FGF1: variants seen among roughly 807,000 people sequenced by gnomAD.
The protein encoded by FGF1 is beta-endothelial cell growth factor.
A neutral mutation model predicts 13.4 loss-of-function variants in FGF1; 9 were observed. The observed-to-expected ratio is 0.67, with a 90% confidence interval of 0.40 to 1.17. The LOEUF is 1.17. Among genes scored for constraint, FGF1 ranks in the 50% most tolerant of loss-of-function variants. The probability of loss-of-function intolerance (pLI) is 0.01; values close to 1 mark genes in which losing one functional copy is unlikely to be tolerated. For synonymous variants in FGF1, 93 were observed against 79.0 expected (o/e 1.18, Z -0.94); for missense variants, 156 against 192.7 (o/e 0.81, Z 1.13).
intron 2 of FGF1, among the ~76,000 whole-genome samples, chr5:142,694,376 A>G (rs1282467886): frequency 2.0e-5 from 3 of 152,200 alleles, no homozygotes; most frequent in South Asian, 2.1e-4. Flanking sequence ...AGATAAAGAA[A>G]ATGACGTAAA....
intron 1 of FGF1, among the ~76,000 whole-genome samples, chr5:142,620,593 A>T (rs1761380801): frequency 6.6e-6 from 1 of 152,228 alleles, no homozygotes; most frequent in African/African-American, 2.4e-5. Context: ...AAAATACATA[A>T]AACAAAAATT....
At chr5:142,629,893 ATAT>A (rs1323984990) in intron 1 of FGF1, among the ~76,000 whole-genome samples, 18 of 120,062 alleles carry the variant, frequency 1.5e-4, no homozygotes, top group Admixed American at 8.4e-4. Flanking sequence ...ATATATATAT[ATAT>A]TTTTTTTTTT....
intron 2 of FGF1, among the ~76,000 whole-genome samples, chr5:142,607,245 G>C (rs904096651): frequency 2.6e-5 from 4 of 152,116 alleles, no homozygotes; most frequent in East Asian, 1.9e-4. Context: ...GGTGGATGAG[G>C]CACCTCTAAA....
At chr5:142,668,901 A>C (rs1437888109) in intron 1 of FGF1, among the ~76,000 whole-genome samples, 3 of 152,160 alleles carry the variant, frequency 2.0e-5, no homozygotes, top group African/African-American at 4.8e-5. Flanking sequence ...GGATGGATGG[A>C]GGGCTGAAGA....
Position 142,592,443 on chromosome 5 carries a change from A to AT in FGF1, c.*2846dup. ...TTGGCCATTGTGAATCTTTCTTATCATGCCTTCCAAGGAAACCAATACCTA... is the reference window on the plus strand; with the variant it reads ...TTGGCCATTGTGAATCTTTCTTATCATTGCCTTCCAAGGAAACCAATACCTA... On this transcript the variant is annotated 3_prime_UTR_variant, in exon 4 of 4. Transcript: ENST00000337706. 1 of 398,550 alleles carries AT rather than the reference A, an allele frequency of 2.5e-6. No individual in the cohort carries two copies. Among genetic ancestry groups the AT allele is most frequent in the Non-Finnish European group, 4.4e-6 (1 of 226,022 alleles). 24.7% of individuals were successfully genotyped at this position (398,550 alleles called of 1,614,324 possible). A position where few individuals can be genotyped will look rare whatever the true frequency, so the allele number is the denominator to read the frequency against.
In FGF1 at chr5:142,650,673, T is replaced by C. The variant is rs111289317; in HGVS notation, c.-35+35284A>G. 1.5e-4 allele frequency among the ~76,000 whole-genome samples: 23 copies of C among 151,564 alleles called. 1 individual carries two copies. Among genetic ancestry groups the C allele is most frequent in the African/African-American group, 5.1e-4 (21 of 41,040 alleles). On this transcript the variant is annotated intron_variant, in intron 1 of 3. Transcript: ENST00000337706. ...CACTTTATATGTGTGTGTGTGTATA[T>C]ATACACACACACACACACTATGTAT...
At chr5:142,600,549 TA>T (rs1756295535) in intron 3 of FGF1, among the ~76,000 whole-genome samples, 152 bp downstream of exon 3, 1 of 152,168 alleles carries the variant, frequency 6.6e-6, no homozygotes, top group African/African-American at 2.4e-5. Context: ...TGTTTGTGCC[TA>T]AAATAAAGCA....
At chr5:142,644,238 T>A (rs1765652122) in intron 1 of FGF1, 1 of 152,268 alleles carries the variant, frequency 6.6e-6, no homozygotes, top group Non-Finnish European at 1.5e-5. Context: ...CCTCACTGAG[T>A]TGGTGCTCTC....
At chr5:142,697,177 G>T (rs1753265227) in intron 2 of FGF1, among the ~76,000 whole-genome samples, 1 of 152,168 alleles carries the variant, frequency 6.6e-6, no homozygotes, top group Non-Finnish European at 1.5e-5. Context: ...GGAAAAAGAG[G>T]CTCTGCATGT....
At chr5:142,654,116 G>A (rs948076402) in intron 1 of FGF1, among the ~76,000 whole-genome samples, 1 of 152,164 alleles carries the variant, frequency 6.6e-6, no homozygotes, top group African/African-American at 2.4e-5. Context: ...CACCTTGTAT[G>A]TAATTCTAAC....
At position 142,644,848 on chromosome 5, in the gene FGF1, C is replaced by T. The variant is rs945148915; in HGVS notation, c.-34-30687G>A. Among the ~76,000 whole-genome samples the T allele has an allele frequency of 4.6e-5, 7 of 152,276 alleles. No individual in the cohort carries two copies. The East Asian group carries it at 1.2e-3, about 25-fold the overall frequency. ...CCTCAGCAAATGCCAAATGAATGAA[C>T]AAGCAACAAAACCTTAGCACACATG... On this transcript the variant is annotated intron_variant, in intron 1 of 3. Coordinates refer to ENST00000337706, the MANE Select transcript of FGF1 (RefSeq NM_000800.5).
chr5:142,643,779 A>C (rs865796488), intron 1 of FGF1, among the ~76,000 whole-genome samples: 1 of 152,192 alleles, frequency 6.6e-6, no homozygotes, highest in Non-Finnish European at 1.5e-5. Context: ...ACAGATCTAC[A>C]TTTGCATACC....
At chr5:142,611,272 C>A (rs1758982387) in intron 2 of FGF1, among the ~76,000 whole-genome samples, 2 of 152,168 alleles carry the variant, frequency 1.3e-5, no homozygotes, top group Non-Finnish European at 2.9e-5. Flanking sequence ...GAACCACATT[C>A]AGGGAGTACA....
At chr5:142,652,588 T>C (rs1448902647) in intron 1 of FGF1, among the ~76,000 whole-genome samples, 1 of 152,212 alleles carries the variant, frequency 6.6e-6, no homozygotes, top group African/African-American at 2.4e-5. Context: ...ATGGTGTTCT[T>C]TGCAGTCCCC....
rs1317025868 is a variant in FGF1, at chr5:142,594,362, G to T, written c.*928C>A. On this transcript the variant is annotated 3_prime_UTR_variant, in exon 4 of 4. Transcript: ENST00000337706. The stretch of plus-strand genomic sequence containing the variant: ...GCACTTCAGTGTTGGAGAAGCACTG[G>T]GCTAGGACCCCAAAGCCTCTGCTTA... 1.2e-4 allele frequency: 19 copies of T among 152,192 alleles called. No homozygotes were observed. Among genetic ancestry groups the T allele is most frequent in the Admixed American group, 1.2e-3 (19 of 15,278 alleles). The allele number at this position is 152,192 out of a possible 1,614,324, so 9.4% of individuals were successfully genotyped here.
chr5:142,670,276 T>G (rs1771203391), intron 1 of FGF1, among the ~76,000 whole-genome samples: 1 of 152,216 alleles, frequency 6.6e-6, no homozygotes, highest in Non-Finnish European at 1.5e-5. Context: ...CAATCTGAGC[T>G]GCTCCCTCTC....
At chr5:142,692,566 C>T (rs1216493813) in intron 2 of FGF1, among the ~76,000 whole-genome samples, 2 of 151,852 alleles carry the variant, frequency 1.3e-5, no homozygotes, top group Non-Finnish European at 2.9e-5. Flanking sequence ...CAACATAACC[C>T]CAAGCAGGTT....
At position 142,696,675 on chromosome 5, in the gene FGF1, C is replaced by A. The variant is rs116490661; in HGVS notation, c.-35+947G>T. The stretch of plus-strand genomic sequence containing the variant: ...CAGCTTCATGATGCCATCATCTAGG[C>A]CCCTGGATCTCATGATACCAAAACC... On this transcript the variant is annotated intron_variant, in intron 2 of 4. Transcript: ENST00000407758. Among the ~76,000 whole-genome samples, 900 of 152,268 alleles carry A rather than the reference C, an allele frequency of 5.9e-3. 16 individuals are homozygous for A. Among genetic ancestry groups the A allele is most frequent in the African/African-American group, 0.021 (865 of 41,548 alleles).
At chr5:142,597,005 A>T (rs1755419368) in intron 3 of FGF1, among the ~76,000 whole-genome samples, 1 of 152,224 alleles carries the variant, frequency 6.6e-6, no homozygotes, top group Admixed American at 6.5e-5. Flanking sequence ...AAAACATTCA[A>T]TACTGCTAAC....
Sources: gnomAD v4.1 joint callset for allele counts (sites outside exome capture counted in the v4.1 genomes callset) on GRCh38, gnomAD v4.1.1 for gene constraint, MANE v1.5 for transcripts, NCBI Gene and HGNC (gene_info 2026-07-23, HGNC 2026-07-21) for gene names.